The following CORIN variants were observed in gnomAD, a reference collection of about 807,000 sequenced individuals.
The protein encoded by CORIN is atrial natriuretic peptide-converting enzyme.
In CORIN, 117 loss-of-function variants were observed where a neutral mutation model predicts 125.3. The ratio of observed to expected loss-of-function variants is 0.93; its 90% CI spans 0.80 to 1.09. The LOEUF is 1.09. Ranked by LOEUF, CORIN falls within the 50% of genes least tolerant of loss-of-function variation. The pLI is 0.00. For synonymous variants in CORIN, 450 were observed against 466.4 expected, an observed-to-expected ratio of 0.96 and a Z score of 0.45; for missense variants, 1,253 against 1,306.7, an observed-to-expected ratio of 0.96 and a Z score of 0.63.
At chr4:47,780,248 T>A (rs1479877792) in intron 3 of CORIN, among the ~76,000 whole-genome samples, 3 of 152,050 alleles carry the variant, frequency 2.0e-5, no homozygotes, top group African/African-American at 7.2e-5. Context: ...GTGTATATGT[T>A]CATATAAGAT....
At chr4:47,704,593 G>A (rs1726462475) in intron 5 of CORIN, among the ~76,000 whole-genome samples, 2 of 152,060 alleles carry the variant, frequency 1.3e-5, no homozygotes, top group African/African-American at 2.4e-5. Flanking sequence ...AGCAGAGAAT[G>A]GTCTACTTTA....
chr4:47,794,980 A>C (rs576942000), intron 2 of CORIN, among the ~76,000 whole-genome samples: 98 of 152,272 alleles, frequency 6.4e-4, no homozygotes, highest in African/African-American at 2.3e-3. Flanking sequence ...GGTATAAGAT[A>C]AGGGTCCCAT....
chr4:47,674,578 T>G, intron 9 of CORIN, 78 bp from the exon 10 acceptor site: 1 of 885,826 alleles, frequency 1.1e-6, no homozygotes, highest in Non-Finnish European at 1.9e-6. Flanking sequence ...ATCAGGAATG[T>G]CTGATGGAGC....
In CORIN at chr4:47,674,364, C is replaced by T. The variant is rs16860545; in HGVS notation, c.1357+29G>A. The stretch of plus-strand genomic sequence containing the variant: ...ATGCTGAATGCATGCCCTGACATGG[C>T]TATTGCATTTGTCAGCTGTTGTACT... On this transcript the variant is annotated intron_variant, in intron 10 of 21. Transcript: ENST00000273857. 3,560 of 1,404,374 alleles carry T rather than the reference C, an allele frequency of 2.5e-3. 84 individuals carry two copies. In the African/African-American group the frequency reaches 0.045, roughly 18 times the overall value. The allele number at this position is 1,404,374 out of a possible 1,614,324, so 87.0% of individuals were successfully genotyped here.
chr4:47,680,022 A>C (rs1233101297), intron 8 of CORIN, 119 bp downstream of exon 8: 1 of 627,772 alleles, frequency 1.6e-6, no homozygotes, highest in Non-Finnish European at 2.8e-6. Context: ...AAGCATAAGA[A>C]TCTTTCCCTT....
At chr4:47,738,582 G>A (rs1728238943) in intron 5 of CORIN, among the ~76,000 whole-genome samples, 1 of 152,148 alleles carries the variant, frequency 6.6e-6, no homozygotes, top group Non-Finnish European at 1.5e-5. Flanking sequence ...AACTAATGTT[G>A]GGGGGAAGAA....
chr4:47,775,479 T>G (rs1730256330), intron 3 of CORIN, among the ~76,000 whole-genome samples: 2 of 152,194 alleles, frequency 1.3e-5, no homozygotes, highest in South Asian at 4.1e-4. Flanking sequence ...TTTGGTTTTC[T>G]GTCCTTGCGA....
intron 5 of CORIN, among the ~76,000 whole-genome samples, chr4:47,713,537 G>T (rs568155281): frequency 2.6e-5 from 4 of 152,138 alleles, no homozygotes; most frequent in Non-Finnish European, 5.9e-5. Context: ...ATGCTCCAGG[G>T]TACTTTTGGT....
chr4:47,837,633 C>T, intron 1 of CORIN: 1 of 594,918 alleles, frequency 1.7e-6, no homozygotes, highest in Admixed American at 3.0e-5. Flanking sequence ...CTGAAGGAAA[C>T]CCTGCCCATG....
intron 10 of CORIN, among the ~76,000 whole-genome samples, chr4:47,668,998 T>C (rs1457400708): frequency 1.3e-5 from 2 of 152,322 alleles, no homozygotes; most frequent in Admixed American, 1.3e-4. Context: ...ATTAGGCTCA[T>C]GTGTGATCCT....
At chr4:47,612,742 A>G (rs1320400990) in intron 19 of CORIN, among the ~76,000 whole-genome samples, 4 of 152,214 alleles carry the variant, frequency 2.6e-5, no homozygotes, top group South Asian at 2.1e-4. Flanking sequence ...ACAGGCATCA[A>G]AAAGGATTTA....
At position 47,838,018 on chromosome 4, in the gene CORIN, C is replaced by T; in HGVS notation, c.-69G>A. The stretch of plus-strand genomic sequence containing the variant: ...TCGCTTTTCTCTCCTCTACGTGTCC[C>T]CCGGGGAGGCACTACGGATGATTTT... On this transcript the variant is annotated 5_prime_UTR_variant, in exon 1 of 22. Coordinates refer to ENST00000273857, the MANE Select transcript of CORIN (RefSeq NM_006587.4). 1 of 1,595,958 alleles carries T rather than the reference C, an allele frequency of 6.3e-7. No individual in the cohort carries two copies. The highest frequency in any genetic ancestry group is 8.5e-7 in the Non-Finnish European group (1 of 1,177,398).
chr4:47,627,957 G>GCC (rs1722647169), intron 16 of CORIN, among the ~76,000 whole-genome samples: 1 of 152,044 alleles, frequency 6.6e-6, no homozygotes, highest in African/African-American at 2.4e-5. Context: ...AACTCAAAAG[G>GCC]CCCCCAGCTG....
In CORIN at chr4:47,683,791, A is replaced by G; in HGVS notation, c.961T>C (p.Tyr321His). Residue 321 changes from tyrosine to histidine, a missense_variant, in exon 7 of 22, where the codon TAC (tyrosine) becomes CAC (histidine). Tyr to His is a moderately conservative substitution (Grantham distance 83). Transcript: ENST00000273857. ...FHCHTGKCLN[Y>H]SLVCDGYDDC... Reference sequence around the variant, plus strand: ...TCATATCCATCACACACAAGGCTGTAATTAAGGCACTTGCCTGTGTGACAG... The same window carrying G: ...TCATATCCATCACACACAAGGCTGTGATTAAGGCACTTGCCTGTGTGACAG... 6.2e-7 allele frequency: 1 copy of G among 1,613,826 alleles called. No individual in the cohort carries two copies. Among genetic ancestry groups the G allele is most frequent in the South Asian group, 1.1e-5 (1 of 91,060 alleles).
chr4:47,829,143 G>A (rs1283021945), intron 1 of CORIN, among the ~76,000 whole-genome samples: 2 of 134,828 alleles, frequency 1.5e-5, no homozygotes, highest in African/African-American at 2.9e-5. Context: ...GGGTGACAGG[G>A]CGAGACTCCG....
intron 1 of CORIN, among the ~76,000 whole-genome samples, chr4:47,820,406 T>C (rs1398998078): frequency 6.6e-6 from 1 of 152,034 alleles, no homozygotes; most frequent in Non-Finnish European, 1.5e-5. Flanking sequence ...ATCCAGGACT[T>C]TCACAATGCT....
chr4:47,824,647 A>G lies in CORIN; in HGVS notation c.63+13240T>C, dbSNP rs527503562. Among the ~76,000 whole-genome samples the G allele has an allele frequency of 2.4e-3, 366 of 152,254 alleles. 2 individuals carry two copies. Among genetic ancestry groups the G allele is most frequent in the African/African-American group, 8.1e-3 (335 of 41,552 alleles). Reference sequence around the variant, plus strand: ...TTCACCTTCTTTGTTTTAATTTCAAACAGGATGGAAACTCAATTCTATTGT... The same window carrying G: ...TTCACCTTCTTTGTTTTAATTTCAAGCAGGATGGAAACTCAATTCTATTGT... On this transcript the variant is annotated intron_variant, in intron 1 of 21. Coordinates refer to ENST00000273857, the MANE Select transcript of CORIN (RefSeq NM_006587.4).
chr4:47,768,465 A>G (rs1729867707), intron 3 of CORIN, among the ~76,000 whole-genome samples: 1 of 152,230 alleles, frequency 6.6e-6, no homozygotes, highest in African/African-American at 2.4e-5. Flanking sequence ...ACATTTGTAA[A>G]CACATTTTAC....
At chr4:47,768,660 G>A (rs948959511) in intron 3 of CORIN, among the ~76,000 whole-genome samples, 8 of 152,076 alleles carry the variant, frequency 5.3e-5, no homozygotes, top group African/African-American at 1.9e-4. Flanking sequence ...GGGATGCAAG[G>A]ATGTTTCAAC....
Sources: allele counts gnomAD v4.1 joint callset (sites outside exome capture counted in the v4.1 genomes callset), GRCh38; gene constraint gnomAD v4.1.1; transcripts MANE v1.5; gene names NCBI Gene and HGNC (gene_info 2026-07-23, HGNC 2026-07-21).